The following YWHAE variants were observed in gnomAD, a reference collection of about 807,000 sequenced individuals.
The protein encoded by YWHAE is 14-3-3 protein epsilon.
In YWHAE, 4 loss-of-function variants were observed where a neutral mutation model predicts 30.1. That is an observed-to-expected ratio of 0.13 (90% CI 0.07 to 0.30). The LOEUF (loss-of-function observed/expected upper bound fraction) is 0.30, where lower values mean the gene tolerates loss of function less well. Among genes scored for constraint, YWHAE ranks in the 10% least tolerant of loss-of-function variants. The pLI, the probability that YWHAE is intolerant of heterozygous loss-of-function variation, is 1.00. For synonymous variants in YWHAE, 118 were observed against 111.8 expected, an observed-to-expected ratio of 1.06 and a Z score of -0.35; for missense variants, 121 against 315.9, an observed-to-expected ratio of 0.38 and a Z score of 4.68.
At chr17:1,355,212 A>G (rs1243813375) in intron 4 of YWHAE, among the ~76,000 whole-genome samples, 15 of 112,694 alleles carry the variant, frequency 1.3e-4, no homozygotes, top group African/African-American at 5.0e-4. Context: ...GCTGGAGTGC[A>G]GTGGCGGGAT....
At chr17:1,345,711 G>A (rs1470471659) in intron 5 of YWHAE, among the ~76,000 whole-genome samples, 2 of 152,030 alleles carry the variant, frequency 1.3e-5, no homozygotes, top group East Asian at 3.8e-4. Context: ...TCAACAGAAT[G>A]AAAAAAACTG....
chr17:1,380,341 A>C (rs966486007), intron 1 of YWHAE, among the ~76,000 whole-genome samples: 1 of 151,938 alleles, frequency 6.6e-6, no homozygotes, highest in Non-Finnish European at 1.5e-5. Flanking sequence ...CGAACTCGTG[A>C]CCTCAGGTGA....
chr17:1,361,045 C>A lies in YWHAE; in HGVS notation c.578+47G>T, dbSNP rs763343856. 1.5e-5 allele frequency: 24 copies of A among 1,556,988 alleles called. No individual in the cohort carries two copies. The East Asian group carries it at 5.4e-4, about 35-fold the overall frequency. On this transcript the variant is annotated intron_variant, in intron 4 of 5. Transcript: ENST00000264335. ...CAACACGGAAAACCCAAACAGCGCC[C>A]CCCTTAACTTTCACGCTGAGCGCTG... is the stretch of plus-strand genomic sequence containing the variant.
intron 3 of YWHAE, 108 bp from the exon 4 acceptor site, chr17:1,361,406 A>G: frequency 2.4e-6 from 2 of 829,204 alleles, no homozygotes; most frequent in Non-Finnish European, 3.6e-6. Flanking sequence ...TGACAAAAAT[A>G]TATGTAACAA....
At chr17:1,391,580 T>C (rs551117202) in intron 1 of YWHAE, among the ~76,000 whole-genome samples, 51 of 152,302 alleles carry the variant, frequency 3.3e-4, no homozygotes, top group Middle Eastern at 3.4e-3. Flanking sequence ...TAAATGAACA[T>C]CTGAAATTGT....
chr17:1,378,492 T>C (rs905133447), intron 1 of YWHAE, among the ~76,000 whole-genome samples: 3 of 152,202 alleles, frequency 2.0e-5, no homozygotes, highest in Non-Finnish European at 4.4e-5. Flanking sequence ...TATTCAGAAA[T>C]ATAAAGATGG....
chr17:1,382,299 C>T (rs186891485), intron 1 of YWHAE, among the ~76,000 whole-genome samples: 3 of 149,972 alleles, frequency 2.0e-5, no homozygotes, highest in Non-Finnish European at 1.5e-5. Context: ...CTGCCCGCCT[C>T]GGCCTCCCAA....
chr17:1,376,522 G>A (rs62087947), intron 1 of YWHAE, among the ~76,000 whole-genome samples: 7,356 of 149,220 alleles, frequency 0.049, 248 homozygotes, highest in Middle Eastern at 0.072. Flanking sequence ...TTAAAGAGAC[G>A]GGAGTCTTTG....
chr17:1,350,857 A>C (rs2150838286), intron 5 of YWHAE, among the ~76,000 whole-genome samples: 1 of 151,790 alleles, frequency 6.6e-6, no homozygotes, highest in South Asian at 2.1e-4. Flanking sequence ...CAGGAGTTAG[A>C]GACCAGCCTG....
chr17:1,369,767 G>A (rs776701041), intron 1 of YWHAE: 5 of 152,124 alleles, frequency 3.3e-5, no homozygotes, highest in African/African-American at 4.8e-5. Context: ...TTGCAATAAA[G>A]CAAGTCACAT....
chr17:1,368,937 A>G (rs1340359468), intron 1 of YWHAE, among the ~76,000 whole-genome samples: 2 of 152,222 alleles, frequency 1.3e-5, no homozygotes, highest in East Asian at 3.8e-4. Flanking sequence ...CATATCTCGA[A>G]TATCATTCCT....
At chr17:1,370,210 T>C (rs1482590778) in intron 1 of YWHAE, among the ~76,000 whole-genome samples, 2 of 134,574 alleles carry the variant, frequency 1.5e-5, no homozygotes, top group Non-Finnish European at 3.1e-5. Flanking sequence ...CACTGCAAGC[T>C]CCGCCTCCCA....
chr17:1,364,860 A>G lies in YWHAE; in HGVS notation c.263T>C (p.Met88Thr). The part of the protein sequence containing the change: ...KLKMIREYRQ[M>T]VETELKLICC... ...GGGATGATGGCACAACAATCTCACC[A>G]TTTGCCGATATTCCCGAATCATTTT... is the stretch of plus-strand genomic sequence containing the variant. Residue 88 changes from methionine to threonine, a missense_variant and splice_region_variant, in exon 2 of 6, where the codon ATG (methionine) becomes ACG (threonine). By Grantham distance (81) the Met-to-Thr change is moderately conservative (BLOSUM62 -1). This residue lies in a region of YWHAE where 99 missense variants were observed against 289.3 expected (regional missense o/e 0.34). Transcript: ENST00000264335. 6.2e-7 allele frequency: 1 copy of G among 1,613,926 alleles called. No individual in the cohort carries two copies. Among genetic ancestry groups the G allele is most frequent in the African/African-American group, 1.3e-5 (1 of 75,038 alleles).
At chr17:1,363,286 A>T (rs573653910) in intron 2 of YWHAE, among the ~76,000 whole-genome samples, 1 of 152,044 alleles carries the variant, frequency 6.6e-6, no homozygotes, top group Admixed American at 6.6e-5. Context: ...TTTGATTCAG[A>T]GTTTCCCTCT....
At chr17:1,382,459 C>T (rs12951185) in intron 1 of YWHAE, among the ~76,000 whole-genome samples, 14,021 of 150,998 alleles carry the variant, frequency 0.093, 890 homozygotes, top group Non-Finnish European at 0.14. Flanking sequence ...CGGGTTCTGG[C>T]CATTCTCCTG....
chr17:1,398,334 TCC>T (rs11389163), intron 1 of YWHAE, among the ~76,000 whole-genome samples: 3 of 100,882 alleles, frequency 3.0e-5, no homozygotes, highest in African/African-American at 1.6e-4. Flanking sequence ...CCCCATCTTA[TCC>T]CCCCCCCCAA....
intron 1 of YWHAE, among the ~76,000 whole-genome samples, chr17:1,389,776 C>T (rs1008037406): frequency 1.3e-5 from 2 of 151,940 alleles, no homozygotes; most frequent in Admixed American, 1.3e-4. Flanking sequence ...GTAGTCCGCC[C>T]GCCTCGGCCT....
chr17:1,381,910 C>CAAA (rs397754278), intron 1 of YWHAE, among the ~76,000 whole-genome samples: 87 of 43,810 alleles, frequency 2.0e-3, no homozygotes, highest in African/African-American at 3.8e-3. Context: ...GACACTATGT[C>CAAA]AAAAAAAAAA....
chr17:1,347,468 G>A (rs1191220082), intron 5 of YWHAE, among the ~76,000 whole-genome samples: 1 of 151,796 alleles, frequency 6.6e-6, no homozygotes, highest in Non-Finnish European at 1.5e-5. Context: ...GGCAACAAGA[G>A]CAAAACTCCG....
Sources: gnomAD v4.1 joint callset for allele counts (sites outside exome capture counted in the v4.1 genomes callset) on GRCh38, gnomAD v4.1.1 for gene constraint, gnomAD v4.1.1 regional missense constraint, MANE v1.5 for transcripts, NCBI Gene and HGNC (gene_info 2026-07-23, HGNC 2026-07-21) for gene names.